The following PTCHD1 variants were observed in gnomAD, a reference collection of about 807,000 sequenced individuals.
The protein encoded by PTCHD1 is patched domain containing 1.
Under a neutral mutation model 34.6 loss-of-function variants are expected in PTCHD1, and 3 were observed. That is an observed-to-expected ratio of 0.09 (90% CI 0.04 to 0.22). The LOEUF (loss-of-function observed/expected upper bound fraction) is 0.22, where lower values mean the gene tolerates loss of function less well. Among genes scored for constraint, PTCHD1 ranks in the 10% least tolerant of loss-of-function variants. PTCHD1 has a pLI of 1.00. For missense variants in PTCHD1, 504 were observed against 685.5 expected (o/e 0.74, Z 2.96); for synonymous variants, 305 against 283.1 (o/e 1.08, Z -0.77).
chrX:23,350,125 A>C (rs1031180193), intron 1 of PTCHD1, among the ~76,000 whole-genome samples: 1 of 106,411 alleles, frequency 9.4e-6, no homozygotes, highest in Non-Finnish European at 1.9e-5. Flanking sequence ...CAAACAATAG[A>C]TGTGGTACCA....
At chrX:23,352,643 T>G (rs1921669761) in intron 1 of PTCHD1, among the ~76,000 whole-genome samples, 1 of 111,332 alleles carries the variant, frequency 9.0e-6, no homozygotes, top group African/African-American at 3.3e-5. Flanking sequence ...GCCTTTAAAT[T>G]TCATCACATA....
chrX:23,351,063 ACTC>A (rs113992017), intron 1 of PTCHD1: 1 of 422,079 alleles, frequency 2.4e-6, no homozygotes. Flanking sequence ...CAGTATGACA[ACTC>A]CTATGATTTG....
At chrX:23,388,741 G>T (rs1328292087) in intron 2 of PTCHD1, among the ~76,000 whole-genome samples, 3 of 111,725 alleles carry the variant, frequency 2.7e-5, no homozygotes, top group Non-Finnish European at 5.7e-5. Flanking sequence ...TGAGGCAGGG[G>T]AATCGCTGGA....
intron 1 of PTCHD1, among the ~76,000 whole-genome samples, chrX:23,348,719 A>G (rs976377828): frequency 1.8e-5 from 2 of 111,926 alleles, no homozygotes; most frequent in Non-Finnish European, 3.8e-5. Context: ...AGTGAAGGAG[A>G]TATAAAGACT....
At chrX:23,342,498 G>A (rs762796187) in intron 1 of PTCHD1, among the ~76,000 whole-genome samples, 115 of 106,318 alleles carry the variant, frequency 1.1e-3, no homozygotes, top group Non-Finnish European at 2.0e-3. Context: ...CGTTTCTAGG[G>A]AATGGATATT....
intron 2 of PTCHD1, 104 bp from the exon 3 acceptor site, chrX:23,392,427 G>C: frequency 1.8e-6 from 1 of 564,569 alleles, no homozygotes. Flanking sequence ...CACTAGGGTT[G>C]ATTACGTTTC....
chrX:23,391,421 A>G (rs1477813967), intron 2 of PTCHD1, among the ~76,000 whole-genome samples: 2 of 110,818 alleles, frequency 1.8e-5, no homozygotes, highest in Non-Finnish European at 3.8e-5. Flanking sequence ...CTGAATCCTA[A>G]TTTTTATCAA....
At chrX:23,367,877 A>G (rs1159251288) in intron 1 of PTCHD1, among the ~76,000 whole-genome samples, 2 of 111,758 alleles carry the variant, frequency 1.8e-5, no homozygotes, top group African/African-American at 3.3e-5. Context: ...CAGTGCTTGC[A>G]TCGTCTGAGA....
chrX:23,376,846 C>T lies in PTCHD1; in HGVS notation c.352-2745C>T, dbSNP rs186535112. Among the ~76,000 whole-genome samples, 105 of 112,483 alleles carry T rather than the reference C, an allele frequency of 9.3e-4. 1 individual carries two copies. Among genetic ancestry groups the T allele is most frequent in the African/African-American group, 3.3e-3 (101 of 31,000 alleles). ...CAAGAGTGACATGTTCTACCCACCA[C>T]TCTGTCGGAAAGTCAAGGCAGTTGC... On this transcript the variant is annotated intron_variant, in intron 1 of 2. Coordinates refer to ENST00000379361, the MANE Select transcript of PTCHD1 (RefSeq NM_173495.3).
intron 1 of PTCHD1, chrX:23,351,239 T>C: frequency 4.0e-6 from 3 of 751,092 alleles, no homozygotes; most frequent in Non-Finnish European, 6.2e-6. Flanking sequence ...CAGACTCCTG[T>C]AGGTAATGCT....
At chrX:23,345,381 C>G (rs753263584) in intron 1 of PTCHD1, among the ~76,000 whole-genome samples, 1 of 112,238 alleles carries the variant, frequency 8.9e-6, no homozygotes, top group East Asian at 2.8e-4. Context: ...TTCTGCACTT[C>G]CAGCAAGCCC....
intron 2 of PTCHD1, among the ~76,000 whole-genome samples, chrX:23,381,625 C>G (rs904164626): frequency 1.8e-5 from 2 of 111,860 alleles, no homozygotes; most frequent in Non-Finnish European, 3.8e-5. Context: ...ATTCTGCCCT[C>G]GATTCTCTGT....
At chrX:23,367,804 G>T (rs748419743) in intron 1 of PTCHD1, among the ~76,000 whole-genome samples, 10 of 111,516 alleles carry the variant, frequency 9.0e-5, no homozygotes, top group Non-Finnish European at 1.9e-4. Flanking sequence ...AGCAGCAGTG[G>T]GCTACAAACC....
intron 1 of PTCHD1, among the ~76,000 whole-genome samples, chrX:23,357,800 TCCCTCCCCTA>T (rs1187302826): frequency 9.0e-6 from 1 of 111,234 alleles, no homozygotes; most frequent in East Asian, 2.8e-4. Context: ...CCCAGTGCCA[TCCCTCCCCTA>T]GCCTCCCACC....
At chrX:23,367,112 A>G (rs1922165952) in intron 1 of PTCHD1, among the ~76,000 whole-genome samples, 1 of 112,149 alleles carries the variant, frequency 8.9e-6, no homozygotes, top group South Asian at 3.7e-4. Flanking sequence ...TCCCTCCACT[A>G]AACTCTACGT....
intron 1 of PTCHD1, among the ~76,000 whole-genome samples, chrX:23,358,627 G>C: frequency 1.8e-5 from 2 of 111,745 alleles, no homozygotes; most frequent in South Asian, 7.5e-4. Context: ...AGTTTCTTTT[G>C]CTGTGCAGAA....
At position 23,397,150 on chromosome X, in the gene PTCHD1, C is replaced by T. The variant is rs772157989; in HGVS notation, c.*2965C>T. On this transcript the variant is annotated 3_prime_UTR_variant, in exon 3 of 3. Transcript: ENST00000379361. ...TTGTTTGTTTACCAAAGAAAATATTCGATTCATCAAAAATATTGCTCCTGG... is the reference window on the plus strand; with the variant it reads ...TTGTTTGTTTACCAAAGAAAATATTTGATTCATCAAAAATATTGCTCCTGG... The T allele has an allele frequency of 4.8e-4, 53 of 111,419 alleles. No homozygotes were observed. The Admixed American group carries it at 5.1e-3, about 11-fold the overall frequency. The allele number at this position is 111,419 out of a possible 1,213,427, so 9.2% of individuals were successfully genotyped here. A position where few individuals can be genotyped will look rare whatever the true frequency, so the allele number is the denominator to read the frequency against.
intron 1 of PTCHD1, chrX:23,350,987 A>T: frequency 7.4e-6 from 2 of 269,125 alleles, no homozygotes; most frequent in South Asian, 1.4e-4. Context: ...TGAAAATGGA[A>T]TCCATATTTT....
intron 1 of PTCHD1, among the ~76,000 whole-genome samples, chrX:23,370,482 C>A (rs1922247288): frequency 8.9e-6 from 1 of 112,049 alleles, no homozygotes; most frequent in Admixed American, 9.4e-5. Flanking sequence ...TGTATGAGAA[C>A]CTTGAGAACA....
Sources: gnomAD v4.1 joint callset for allele counts (sites outside exome capture counted in the v4.1 genomes callset) on GRCh38, gnomAD v4.1.1 for gene constraint, MANE v1.5 for transcripts, NCBI Gene and HGNC (gene_info 2026-07-23, HGNC 2026-07-21) for gene names.